HTR1F: variants seen among roughly 807,000 people sequenced by gnomAD.
The protein encoded by HTR1F is 5-hydroxytryptamine receptor 1F, also known as 5-hydroxytryptamine (serotonin) receptor 1F, G protein-coupled.
In HTR1F, 17 loss-of-function variants were observed where a neutral mutation model predicts 24.0. That is an observed-to-expected ratio of 0.71 (90% CI 0.48 to 1.06). The LOEUF (loss-of-function observed/expected upper bound fraction) is 1.06, where lower values mean the gene tolerates loss of function less well. Ranked by LOEUF, HTR1F falls within the 50% of genes least tolerant of loss-of-function variation. The probability of loss-of-function intolerance (pLI) is 0.00; values close to 1 mark genes in which losing one functional copy is unlikely to be tolerated. For synonymous variants in HTR1F, 186 were observed against 156.8 expected (o/e 1.19, Z -1.39); for missense variants, 391 against 427.8 (o/e 0.91, Z 0.76).
At chr3:87,959,011 C>A (rs1239636854) in intron 2 of HTR1F, among the ~76,000 whole-genome samples, 14 of 151,674 alleles carry the variant, frequency 9.2e-5, no homozygotes, top group Non-Finnish European at 7.4e-5. Context: ...AATCCCTGCA[C>A]CCAAATTAAA....
At chr3:87,858,270 G>T (rs1026793874) in intron 2 of HTR1F, among the ~76,000 whole-genome samples, 18 of 152,140 alleles carry the variant, frequency 1.2e-4, no homozygotes, top group African/African-American at 4.3e-4. Context: ...GGGGTACAAA[G>T]TGTGACCAAG....
chr3:87,852,555 A>T (rs1705109983), intron 2 of HTR1F, among the ~76,000 whole-genome samples: 1 of 151,688 alleles, frequency 6.6e-6, no homozygotes, highest in Non-Finnish European at 1.5e-5. Context: ...TTAAGTTTTC[A>T]TGTATTCTGC....
At chr3:87,895,511 T>C (rs888388095) in intron 2 of HTR1F, among the ~76,000 whole-genome samples, 1 of 152,148 alleles carries the variant, frequency 6.6e-6, no homozygotes, top group Non-Finnish European at 1.5e-5. Context: ...TATCTGAATA[T>C]ATTATACTTA....
At chr3:87,948,872 C>T (rs893349412) in intron 2 of HTR1F, among the ~76,000 whole-genome samples, 2 of 152,110 alleles carry the variant, frequency 1.3e-5, no homozygotes, top group Admixed American at 1.3e-4. Flanking sequence ...GTACCAATAG[C>T]CATATTATAG....
intron 1 of HTR1F, among the ~76,000 whole-genome samples, chr3:87,811,434 A>G (rs955473923): frequency 6.6e-6 from 1 of 152,220 alleles, no homozygotes; most frequent in Admixed American, 6.5e-5. Context: ...TTTATTTTTA[A>G]TAGTGGGAAG....
At chr3:87,914,563 C>G (rs1323632398) in intron 2 of HTR1F, among the ~76,000 whole-genome samples, 3 of 152,006 alleles carry the variant, frequency 2.0e-5, no homozygotes, top group Admixed American at 2.0e-4. Context: ...AGGCCTGTAA[C>G]TGCCAGCTTT....
chr3:87,834,934 T>C lies in HTR1F; in HGVS notation c.-43+12810T>C, dbSNP rs142152409. On this transcript the variant is annotated intron_variant, in intron 2 of 2. Transcript: ENST00000319595. ...AACAGAGACCATATGGCCTGCAAAG[T>C]TGAAAATATTTAATATCTGACCCTT... Among the ~76,000 whole-genome samples, 99 of 152,198 alleles carry C rather than the reference T, an allele frequency of 6.5e-4. 1 individual carries two copies. Among genetic ancestry groups the C allele is most frequent in the Middle Eastern group, 3.4e-3 (1 of 294 alleles).
intron 2 of HTR1F, among the ~76,000 whole-genome samples, chr3:87,869,391 A>AGATG (rs1705498304): frequency 1.5e-5 from 1 of 68,106 alleles, no homozygotes; most frequent in South Asian, 7.5e-4. Context: ...ATAGACAAAC[A>AGATG]GATAGATAGA....
intron 2 of HTR1F, among the ~76,000 whole-genome samples, chr3:87,973,755 A>G (rs946812700): frequency 6.6e-6 from 1 of 152,224 alleles, no homozygotes; most frequent in East Asian, 1.9e-4. Context: ...GCCCTACTAA[A>G]CTAATCATTA....
intron 1 of HTR1F, among the ~76,000 whole-genome samples, chr3:87,819,785 C>G (rs1195331330): frequency 6.6e-6 from 1 of 151,778 alleles, no homozygotes; most frequent in Non-Finnish European, 1.5e-5. Context: ...AAAAACATTT[C>G]TATATATTAT....
At chr3:87,899,609 T>G (rs1487281668) in intron 2 of HTR1F, among the ~76,000 whole-genome samples, 5 of 152,186 alleles carry the variant, frequency 3.3e-5, no homozygotes, top group Non-Finnish European at 5.9e-5. Flanking sequence ...CTCACGCCTG[T>G]AATCCAGCTG....
intron 2 of HTR1F, among the ~76,000 whole-genome samples, chr3:87,916,184 A>G (rs1156425303): frequency 1.3e-5 from 2 of 152,018 alleles, no homozygotes; most frequent in Admixed American, 1.3e-4. Flanking sequence ...AGCCACCACT[A>G]CAAGAACTGC....
chr3:87,797,784 T>C (rs992335207), intron 1 of HTR1F, among the ~76,000 whole-genome samples: 4 of 152,154 alleles, frequency 2.6e-5, no homozygotes, highest in South Asian at 2.1e-4. Context: ...GAGTGGGCCA[T>C]GGAGACTTGT....
At chr3:87,928,941 A>G (rs17025178) in intron 2 of HTR1F, among the ~76,000 whole-genome samples, 13,629 of 152,288 alleles carry the variant, frequency 0.089, 652 homozygotes, top group African/African-American at 0.12. Flanking sequence ...AAGCAACTCA[A>G]CTGGTGATAA....
chr3:87,921,074 G>A (rs1431762473), intron 2 of HTR1F, among the ~76,000 whole-genome samples: 5 of 151,794 alleles, frequency 3.3e-5, no homozygotes, highest in Non-Finnish European at 4.4e-5. Context: ...CATTATAACT[G>A]GAGAAATTAG....
At chr3:87,921,643 C>T (rs1350996430) in intron 2 of HTR1F, among the ~76,000 whole-genome samples, 1 of 151,884 alleles carries the variant, frequency 6.6e-6, no homozygotes, top group African/African-American at 2.4e-5. Flanking sequence ...TAACTATCAT[C>T]ATTCTATAGT....
At chr3:87,868,555 C>T (rs1705475946) in intron 2 of HTR1F, among the ~76,000 whole-genome samples, 1 of 151,188 alleles carries the variant, frequency 6.6e-6, no homozygotes, top group Non-Finnish European at 1.5e-5. Flanking sequence ...TAAAATATTG[C>T]CTGTCTAAAT....
chr3:87,917,444 A>G (rs1241467100), intron 2 of HTR1F, among the ~76,000 whole-genome samples: 7 of 151,926 alleles, frequency 4.6e-5, no homozygotes, highest in Non-Finnish European at 1.5e-5. Context: ...TGGAAAGGTA[A>G]CTAAAATTGA....
chr3:87,966,108 G>C (rs1705157166), intron 2 of HTR1F, among the ~76,000 whole-genome samples: 1 of 152,134 alleles, frequency 6.6e-6, no homozygotes, highest in South Asian at 2.1e-4. Context: ...GGAAGTCCAA[G>C]AGCAAGTCAC....
Sources: gnomAD v4.1 joint callset for allele counts (sites outside exome capture counted in the v4.1 genomes callset) on GRCh38, gnomAD v4.1.1 for gene constraint, MANE v1.5 for transcripts, NCBI Gene and HGNC (gene_info 2026-07-23, HGNC 2026-07-21) for gene names.